The following UBR3 variants were observed in gnomAD, a reference collection of about 807,000 sequenced individuals.
UBR3 encodes ubiquitin protein ligase E3 component n-recognin 3.
Under a neutral mutation model 243.2 loss-of-function variants are expected in UBR3, and 85 were observed. That is an observed-to-expected ratio of 0.35 (90% CI 0.29 to 0.42). UBR3 has a LOEUF of 0.42. UBR3 is among the 10% of genes least tolerant of loss of function. The pLI is 1.00. For synonymous variants in UBR3, 748 were observed against 799.8 expected (o/e 0.94, Z 1.09); for missense variants, 1,686 against 2,300.8 (o/e 0.73, Z 5.47).
chr2:169,989,286 A>C (rs971498797), intron 25 of UBR3, among the ~76,000 whole-genome samples: 2 of 151,874 alleles, frequency 1.3e-5, no homozygotes, highest in Admixed American at 6.6e-5. Context: ...CATTGTCTCT[A>C]TTTATTTATT....
intron 17 of UBR3, among the ~76,000 whole-genome samples, chr2:169,927,657 T>G (rs2085960548): frequency 6.6e-6 from 1 of 152,006 alleles, no homozygotes; most frequent in Non-Finnish European, 1.5e-5. Flanking sequence ...GACTGAATGA[T>G]GGCTTTGGCC....
intron 1 of UBR3, among the ~76,000 whole-genome samples, chr2:169,841,205 A>G (rs745827596): frequency 6.6e-6 from 1 of 152,070 alleles, no homozygotes; most frequent in Non-Finnish European, 1.5e-5. Context: ...TATAAATTTC[A>G]TCTTCACCTC....
At chr2:170,018,479 C>T (rs534292910) in intron 30 of UBR3, among the ~76,000 whole-genome samples, 2 of 152,252 alleles carry the variant, frequency 1.3e-5, no homozygotes, top group East Asian at 3.9e-4. Flanking sequence ...CATTCAGGAC[C>T]ATGTATTCAG....
At chr2:169,874,083 A>C (rs1161748325) in intron 2 of UBR3, among the ~76,000 whole-genome samples, 6 of 152,156 alleles carry the variant, frequency 3.9e-5, no homozygotes, top group Admixed American at 3.9e-4. Flanking sequence ...TCTAAAGATG[A>C]TCTGCATGAA....
At chr2:169,935,906 C>G (rs1450064579) in intron 19 of UBR3, among the ~76,000 whole-genome samples, 1 of 151,836 alleles carries the variant, frequency 6.6e-6, no homozygotes, top group African/African-American at 2.4e-5. Flanking sequence ...TTAAAGCAAA[C>G]AAAGAAATGA....
At chr2:169,965,099 A>G (rs767817602) in intron 24 of UBR3, 5 of 372,388 alleles carry the variant, frequency 1.3e-5, no homozygotes, top group Non-Finnish European at 2.1e-5. Context: ...TCTGACCCCA[A>G]AAAGCCTGTT....
At chr2:169,991,657 A>G (rs2089279003) in intron 25 of UBR3, among the ~76,000 whole-genome samples, 1 of 152,200 alleles carries the variant, frequency 6.6e-6, no homozygotes, top group East Asian at 1.9e-4. Flanking sequence ...GTCTCGGCTC[A>G]CTGCAAGCTC....
intron 1 of UBR3, among the ~76,000 whole-genome samples, chr2:169,852,932 T>G (rs73024449): frequency 0.045 from 6,536 of 146,382 alleles, 163 homozygotes; most frequent in Middle Eastern, 0.069. Context: ...TATGGATATA[T>G]AAATTTATGT....
At position 169,942,501 on chromosome 2, in the gene UBR3, A is replaced by G; in HGVS notation, c.2672A>G (p.Gln891Arg). 1 of 1,546,744 alleles carries G rather than the reference A, an allele frequency of 6.5e-7. No homozygotes were observed. Among genetic ancestry groups the G allele is most frequent in the East Asian group, 2.5e-5 (1 of 40,800 alleles). ...AMDRYTAFLK[Q>R]SGKFPGNPWP... ...TTGTTTTATTTTTACAGTTTAAAAC[A>G]GAGTGGAAAATTTCCTGGAAATCCC... Residue 891 changes from glutamine to arginine, a missense_variant, in exon 20 of 39, where the codon CAG (glutamine) becomes CGG (arginine). Physicochemically the swap from Gln to Arg is conservative, Grantham distance 43. This residue lies in a region of UBR3 where 346 missense variants were observed against 585.8 expected (regional missense o/e 0.59). Coordinates refer to ENST00000272793, the MANE Select transcript of UBR3 (RefSeq NM_172070.4).
At chr2:169,895,417 T>C in intron 7 of UBR3, 106 bp downstream of exon 7, 2 of 1,230,708 alleles carry the variant, frequency 1.6e-6, no homozygotes, top group Non-Finnish European at 1.1e-6. Context: ...GATATAACAC[T>C]ATAAACAAGT....
chr2:169,863,845 AC>A lies in UBR3; in HGVS notation c.546-8390del, dbSNP rs147618268. ...TAAATTTCTTGATGGCGGAATTGGT[AC>A]AATCTAAACACACGAAGTAAAAATA... On this transcript the variant is annotated intron_variant, in intron 1 of 38. Transcript: ENST00000272793. 5.9e-3 allele frequency among the ~76,000 whole-genome samples: 891 copies of A among 152,298 alleles called. 5 individuals are homozygous for A. The highest frequency in any genetic ancestry group is 0.018 in the East Asian group (91 of 5,180).
chr2:169,877,451 T>G, intron 3 of UBR3, 43 bp from the exon 4 acceptor site: 2 of 1,493,284 alleles, frequency 1.3e-6, no homozygotes, highest in Non-Finnish European at 1.8e-6. Context: ...ACTGAGATTT[T>G]GAATGGAATA....
intron 32 of UBR3, 99 bp from the exon 33 acceptor site, chr2:170,055,361 A>C (rs2091310176): frequency 7.0e-7 from 1 of 1,423,970 alleles, no homozygotes; most frequent in African/African-American, 1.4e-5. Flanking sequence ...TGAAAACAAA[A>C]ACCAATTACA....
chr2:169,932,765 G>A, intron 18 of UBR3, 147 bp from the exon 19 acceptor site: 1 of 611,850 alleles, frequency 1.6e-6, no homozygotes, highest in Non-Finnish European at 2.7e-6. Context: ...AAGTAATCAT[G>A]GCATCAAGCT....
chr2:169,845,331 G>A (rs2082428182), intron 1 of UBR3, among the ~76,000 whole-genome samples: 1 of 151,284 alleles, frequency 6.6e-6, no homozygotes, highest in African/African-American at 2.4e-5. Context: ...GCTGAGGTAG[G>A]AGGGTTACTT....
intron 32 of UBR3, among the ~76,000 whole-genome samples, chr2:170,051,638 C>T (rs2091220080): frequency 2.0e-5 from 3 of 152,160 alleles, no homozygotes; most frequent in Non-Finnish European, 4.4e-5. Flanking sequence ...AGCCACCGCG[C>T]CCGGCCACAT....
At chr2:169,977,916 G>A (rs977470137) in intron 24 of UBR3, among the ~76,000 whole-genome samples, 12 of 152,130 alleles carry the variant, frequency 7.9e-5, no homozygotes, top group African/African-American at 2.9e-4. Flanking sequence ...TACATCTTGT[G>A]GAATTGTTGT....
In UBR3 at chr2:170,080,608, A is replaced by G; in HGVS notation, c.5473A>G (p.Ile1825Val). 1 of 1,614,062 alleles carries G rather than the reference A, an allele frequency of 6.2e-7. No individual in the cohort carries two copies. Among genetic ancestry groups the G allele is most frequent in the African/African-American group, 1.3e-5 (1 of 75,048 alleles). ...TTTGATCAATGCATCGGTAATTATC[A>G]TCATTCGAGGTCACCGCTTCTGCCT... ...FLLINASVII[I>V]IRGHRFCLWG... The change falls in exon 38 of 39, where the codon ATC (isoleucine) becomes GTC (valine). Residue 1825 changes from isoleucine to valine, a missense_variant. Transcript: ENST00000272793.
At chr2:170,003,311 A>G (rs1367302987) in intron 27 of UBR3, among the ~76,000 whole-genome samples, 1 of 152,218 alleles carries the variant, frequency 6.6e-6, no homozygotes, top group African/African-American at 2.4e-5. Flanking sequence ...TCCTCCTGAT[A>G]GGATAAAGTT....
Sources: allele counts gnomAD v4.1 joint callset (sites outside exome capture counted in the v4.1 genomes callset), GRCh38; gene constraint gnomAD v4.1.1; regional missense constraint gnomAD v4.1.1; transcripts MANE v1.5; gene names NCBI Gene and HGNC (gene_info 2026-07-23, HGNC 2026-07-21).